DHX15: variants seen among roughly 807,000 people sequenced by gnomAD.
The protein encoded by DHX15 is ATP-dependent RNA helicase DHX15.
Under a neutral mutation model 94.4 loss-of-function variants are expected in DHX15, and 11 were observed. The observed-to-expected ratio is 0.12, with a 90% CI of 0.07 to 0.19. The LOEUF is 0.19. Among genes scored for constraint, DHX15 ranks in the 10% least tolerant of loss-of-function variants. The pLI is 1.00. For missense variants in DHX15, 304 were observed against 988.5 expected (o/e 0.31, Z 9.29); for synonymous variants, 338 against 329.9 (o/e 1.02, Z -0.27).
At chr4:24,531,157 C>T (rs1292846063) in intron 12 of DHX15, among the ~76,000 whole-genome samples, 2 of 151,170 alleles carry the variant, frequency 1.3e-5, no homozygotes, top group African/African-American at 4.9e-5. Flanking sequence ...GGCGCTATCT[C>T]GGCTCACTGC....
At chr4:24,549,585 G>A (rs1721540399) in intron 5 of DHX15, among the ~76,000 whole-genome samples, 1 of 152,138 alleles carries the variant, frequency 6.6e-6, no homozygotes, top group Non-Finnish European at 1.5e-5. Flanking sequence ...GTCACACGTT[G>A]CTTACTGACA....
chr4:24,529,456 A>C (rs1243753551), intron 13 of DHX15, 145 bp downstream of exon 13: 2 of 674,020 alleles, frequency 3.0e-6, no homozygotes, highest in Non-Finnish European at 5.0e-6. Flanking sequence ...AAGATTAATC[A>C]CACCATCCAG....
chr4:24,534,362 GCTT>G (rs1157942674), intron 11 of DHX15, among the ~76,000 whole-genome samples: 2 of 152,156 alleles, frequency 1.3e-5, no homozygotes, highest in Non-Finnish European at 2.9e-5. Flanking sequence ...TTGAAATGTA[GCTT>G]TTTTGTGTGG....
At chr4:24,559,382 A>G (rs1365779156) in intron 3 of DHX15, among the ~76,000 whole-genome samples, 1 of 141,662 alleles carries the variant, frequency 7.1e-6, no homozygotes, top group Non-Finnish European at 1.6e-5. Context: ...CACTAAAAAA[A>G]AAAAAAAAAA....
chr4:24,582,982 A>G (rs1361278751), intron 1 of DHX15, among the ~76,000 whole-genome samples: 1 of 152,164 alleles, frequency 6.6e-6, no homozygotes, highest in Non-Finnish European at 1.5e-5. Context: ...ATAATTCAAC[A>G]TATGGCAAAG....
chr4:24,569,041 A>C (rs895649840), intron 3 of DHX15, among the ~76,000 whole-genome samples: 2 of 152,202 alleles, frequency 1.3e-5, no homozygotes, highest in African/African-American at 4.8e-5. Context: ...AGATAAATCA[A>C]AGAATTAGAA....
At chr4:24,562,414 A>G (rs954961635) in intron 3 of DHX15, among the ~76,000 whole-genome samples, 6 of 152,226 alleles carry the variant, frequency 3.9e-5, no homozygotes, top group African/African-American at 1.4e-4. Flanking sequence ...GGTTAAGAAT[A>G]CATACTTGCT....
At chr4:24,555,399 A>T (rs915946787) in intron 4 of DHX15, among the ~76,000 whole-genome samples, 14 of 152,132 alleles carry the variant, frequency 9.2e-5, no homozygotes, top group African/African-American at 3.4e-4. Context: ...GTTCTCACTA[A>T]AACCTTGGTA....
Position 24,537,260 on chromosome 4 carries a change from C to T in DHX15, c.1787-87G>A. Reference sequence around the variant, plus strand: ...ATAGAGGAACAAGGCCTAGCTAGGTCAGTTCACAGAGCATAGGGCAGGGCA... The same window carrying T: ...ATAGAGGAACAAGGCCTAGCTAGGTTAGTTCACAGAGCATAGGGCAGGGCA... On this transcript the variant is annotated intron_variant, in intron 10 of 13. Transcript: ENST00000336812. The surrounding 1 kb of genome is among the most constrained non-coding windows in gnomAD (Gnocchi z 4.7). 6.4e-7 allele frequency: 1 copy of T among 1,574,458 alleles called. No homozygotes were observed. Among genetic ancestry groups the T allele is most frequent in the Non-Finnish European group, 8.6e-7 (1 of 1,156,934 alleles).
intron 13 of DHX15, among the ~76,000 whole-genome samples, chr4:24,529,271 T>G (rs1721029630): frequency 6.6e-6 from 1 of 152,180 alleles, no homozygotes; most frequent in African/African-American, 2.4e-5. Flanking sequence ...ACCCCTGGCT[T>G]CAAGTGATCC....
At chr4:24,581,459 T>C (rs753309207) in intron 1 of DHX15, among the ~76,000 whole-genome samples, 2 of 152,204 alleles carry the variant, frequency 1.3e-5, no homozygotes, top group Non-Finnish European at 2.9e-5. Flanking sequence ...TATTTTTGAG[T>C]CAATATGCAG....
At chr4:24,544,351 G>A (rs555993549) in intron 6 of DHX15, among the ~76,000 whole-genome samples, 1 of 152,124 alleles carries the variant, frequency 6.6e-6, no homozygotes, top group Admixed American at 6.6e-5. Context: ...GAAACCTCAG[G>A]GATTTAAAAA....
At chr4:24,583,652 C>T (rs1722526434) in intron 1 of DHX15, among the ~76,000 whole-genome samples, 1 of 152,290 alleles carries the variant, frequency 6.6e-6, no homozygotes, top group Non-Finnish European at 1.5e-5. Flanking sequence ...AAACTATAAA[C>T]TCAGTCGCCC....
chr4:24,568,313 T>C (rs955360152), intron 3 of DHX15, among the ~76,000 whole-genome samples: 1 of 152,206 alleles, frequency 6.6e-6, no homozygotes, highest in Admixed American at 6.5e-5. Flanking sequence ...AATAGCAAAG[T>C]TACATTTGAA....
chr4:24,547,895 ATGTATGTG>A (rs1478397398), intron 6 of DHX15, among the ~76,000 whole-genome samples: 2,116 of 43,882 alleles, frequency 0.048, 68 homozygotes, highest in African/African-American at 0.097. Context: ...CTCTCTATGT[ATGTATGTG>A]TATATATATA....
chr4:24,584,037 G>A (rs959327835), intron 1 of DHX15: 3 of 458,672 alleles, frequency 6.5e-6, no homozygotes, highest in African/African-American at 4.2e-5. Context: ...CCTCGCAAAT[G>A]ACTCCCGCTC....
chr4:24,554,977 T>C, intron 4 of DHX15, 34 bp from the exon 5 acceptor site: 1 of 1,540,656 alleles, frequency 6.5e-7, no homozygotes, highest in Non-Finnish European at 9.0e-7. Flanking sequence ...TGAAGCTGTC[T>C]TCAAGGATTC....
chr4:24,550,941 T>G (rs1721589124), intron 5 of DHX15, among the ~76,000 whole-genome samples: 1 of 152,246 alleles, frequency 6.6e-6, no homozygotes, highest in South Asian at 2.1e-4. Flanking sequence ...TGTGTTGTGC[T>G]GTGATGCTGC....
At chr4:24,574,227 A>AAAAAAAAAAAAAAAAAAC (rs1722191797) in intron 2 of DHX15, among the ~76,000 whole-genome samples, 1 of 144,954 alleles carries the variant, frequency 6.9e-6, no homozygotes, top group African/African-American at 2.6e-5. Context: ...AAAAAAAAAA[A>AAAAAAAAAAAAAAAAAAC]AGTTAAAGTC....
Sources: gnomAD v4.1 joint callset for allele counts (sites outside exome capture counted in the v4.1 genomes callset) on GRCh38, gnomAD v4.1.1 for gene constraint, Gnocchi (gnomAD v3.1) non-coding constraint, MANE v1.5 for transcripts, NCBI Gene and HGNC (gene_info 2026-07-23, HGNC 2026-07-21) for gene names.